Variants in TRDMT1 observed in about 807,000 individuals in gnomAD.
TRDMT1 encodes tRNA (cytosine(38)-C(5))-methyltransferase.
A neutral mutation model predicts 51.2 loss-of-function variants in TRDMT1; 49 were observed. That is an observed-to-expected ratio of 0.96 (90% CI 0.76 to 1.21). The LOEUF is 1.21. TRDMT1 is among the 50% of genes most tolerant of loss of function. The pLI is 0.00. For synonymous variants in TRDMT1, 187 were observed against 164.6 expected, an observed-to-expected ratio of 1.14 and a Z score of -1.04; for missense variants, 534 against 462.3, an observed-to-expected ratio of 1.16 and a Z score of -1.42.
rs1837666320 is a variant in TRDMT1, at chr10:17,141,320, C to T, written c.*7720G>A. ...GGGACTACAGGCATGCACCACCATG[C>T]CCGGCTAATTTTTTTGATTTTAGTA... is the stretch of plus-strand genomic sequence containing the variant. On this transcript the variant is annotated 3_prime_UTR_variant, in exon 11 of 11. Coordinates refer to ENST00000377799, the MANE Select transcript of TRDMT1 (RefSeq NM_004412.7). Among the ~76,000 whole-genome samples, 1 of 152,140 alleles carries T rather than the reference C, an allele frequency of 6.6e-6. No homozygotes were observed.
At chr10:17,163,372 G>A (rs1205672778) in intron 3 of TRDMT1, among the ~76,000 whole-genome samples, 2 of 152,108 alleles carry the variant, frequency 1.3e-5, no homozygotes, top group African/African-American at 2.4e-5. Context: ...TCAAAAGCAT[G>A]TGTATAGAGG....
At chr10:17,195,519 T>C (rs538464990) in intron 1 of TRDMT1, among the ~76,000 whole-genome samples, 1 of 152,098 alleles carries the variant, frequency 6.6e-6, no homozygotes, top group East Asian at 1.9e-4. Flanking sequence ...GCCTGGGTGG[T>C]GGGATCATTG....
chr10:17,185,850 G>T (rs1843823371), intron 1 of TRDMT1, among the ~76,000 whole-genome samples: 1 of 152,034 alleles, frequency 6.6e-6, no homozygotes, highest in South Asian at 2.1e-4. Context: ...GGTGGGAATT[G>T]AACAATGAGA....
rs1837978964 is a variant in TRDMT1 at position 17,145,007 on chromosome 10, G to C, written c.*4033C>G. 1 of 981,284 alleles carries C rather than the reference G, an allele frequency of 1.0e-6. No individual in the cohort carries two copies. The highest frequency in any genetic ancestry group is 6.2e-5 in the Admixed American group (1 of 16,260). 60.8% of individuals were successfully genotyped at this position (981,284 alleles called of 1,614,324 possible). Reference sequence around the variant, plus strand: ...TCATGCCTGTAAAACCCAGCACTTAGGGAAGCCAAGGTGGGTGGATTAACT... The same window carrying C: ...TCATGCCTGTAAAACCCAGCACTTACGGAAGCCAAGGTGGGTGGATTAACT... On this transcript the variant is annotated 3_prime_UTR_variant, in exon 11 of 11. Transcript: ENST00000377799.
chr10:17,192,764 A>G lies in TRDMT1; in HGVS notation c.64+8807T>C, dbSNP rs551503101. ...AAGATGTTGTGTGGAGAGTTTCTAAACGTATTTGAACATCAAGGTACACTG... is the reference window on the plus strand; with the variant it reads ...AAGATGTTGTGTGGAGAGTTTCTAAGCGTATTTGAACATCAAGGTACACTG... On this transcript the variant is annotated intron_variant, in intron 1 of 10. Transcript: ENST00000377799. 4.6e-5 allele frequency among the ~76,000 whole-genome samples: 7 copies of G among 152,296 alleles called. No homozygotes were observed. In the South Asian group the frequency reaches 1.5e-3, roughly 32 times the overall value.
chr10:17,150,032 T>C (rs1838481908), intron 10 of TRDMT1, among the ~76,000 whole-genome samples: 1 of 152,188 alleles, frequency 6.6e-6, no homozygotes, highest in South Asian at 2.1e-4. Flanking sequence ...ACTAACTCTA[T>C]GTTTAATGTT....
intron 1 of TRDMT1, among the ~76,000 whole-genome samples, chr10:17,196,416 T>G (rs748667077): frequency 5.3e-5 from 8 of 152,232 alleles, no homozygotes; most frequent in Non-Finnish European, 8.8e-5. Context: ...TGATACTACA[T>G]TTTAAAATGA....
chr10:17,153,597 C>A lies in TRDMT1; in HGVS notation c.985G>T (p.Glu329Ter). 1 of 1,604,208 alleles carries A rather than the reference C, an allele frequency of 6.2e-7. No homozygotes were observed. The highest frequency in any genetic ancestry group is 8.5e-7 in the Non-Finnish European group (1 of 1,176,262). ...IYKSLTNLSQEEQITKLLILK... is the reference protein window; with the variant it reads ...IYKSLTNLSQ The stretch of plus-strand genomic sequence containing the variant: ...ATTAACAGCTTTGTTATCTGTTCTT[C>A]TTGTGACAAATTGGTAAGGGATTTG... Residue 329 changes from glutamate to a stop codon, truncating the protein, a stop_gained, in exon 10 of 11, where the codon GAA (glutamate) becomes TAA (stop). Transcript: ENST00000377799. LOFTEE classifies it high-confidence loss of function.
intron 10 of TRDMT1, chr10:17,150,937 C>A: frequency 1.0e-6 from 1 of 985,210 alleles, no homozygotes. Flanking sequence ...ATTACAATTA[C>A]CTCAGAAGGA....
rs1017316441 is a variant in TRDMT1, at chr10:17,148,758, T to C, written c.*282A>G. On this transcript the variant is annotated 3_prime_UTR_variant, in exon 11 of 11. Transcript: ENST00000377799. ...AAGCTCTAGTGCTCCTTGATTTGTT[T>C]ATAAAATTGTTTTTAAAAAGAATAT... The C allele has an allele frequency of 5.8e-6, 6 of 1,037,812 alleles. No individual in the cohort carries two copies. In the African/African-American group the frequency reaches 6.8e-5, roughly 12 times the overall value. The allele number at this position is 1,037,812 out of a possible 1,614,324, so 64.3% of individuals were successfully genotyped here.
rs893042786 is a variant in TRDMT1, at chr10:17,143,520, T to C, written c.*5520A>G. On this transcript the variant is annotated 3_prime_UTR_variant, in exon 11 of 11. Coordinates refer to ENST00000377799, the MANE Select transcript of TRDMT1 (RefSeq NM_004412.7). ...TTCACATGTGAAATTTAACTGGACT[T>C]GTGTAAGGAACCAGCTAAGTGAGTA... is the stretch of plus-strand genomic sequence containing the variant. 1 of 985,326 alleles carries C rather than the reference T, an allele frequency of 1.0e-6. No individual in the cohort carries two copies. Among genetic ancestry groups the C allele is most frequent in the Non-Finnish European group, 1.2e-6 (1 of 829,942 alleles). 61.0% of individuals were successfully genotyped at this position (985,326 alleles called of 1,614,324 possible).
chr10:17,189,894 T>C (rs1329554681), intron 1 of TRDMT1, among the ~76,000 whole-genome samples: 2 of 152,150 alleles, frequency 1.3e-5, no homozygotes, highest in East Asian at 3.8e-4. Context: ...GTCTCATTCA[T>C]TGAGTACTAG....
Position 17,146,680 on chromosome 10 carries a change from TCTC to T in TRDMT1, c.*2357_*2359del. On this transcript the variant is annotated 3_prime_UTR_variant, in exon 11 of 11. Transcript: ENST00000377799. ...TGGTGAAGACTGAATTACACATAGT[TCTC>T]CTGAAAATGAGAAGCTATGTTTTCC... is the stretch of plus-strand genomic sequence containing the variant. 1 of 985,342 alleles carries T rather than the reference TCTC, an allele frequency of 1.0e-6. No individual in the cohort carries two copies. Among genetic ancestry groups the T allele is most frequent in the Non-Finnish European group, 1.2e-6 (1 of 829,898 alleles). 61.0% of individuals were successfully genotyped at this position (985,342 alleles called of 1,614,324 possible). A position where few individuals can be genotyped will look rare whatever the true frequency, so the allele number is the denominator to read the frequency against.
intron 1 of TRDMT1, among the ~76,000 whole-genome samples, chr10:17,185,925 G>C (rs1011925872): frequency 6.6e-6 from 1 of 152,004 alleles, no homozygotes; most frequent in Non-Finnish European, 1.5e-5. Context: ...GGAGGAAGGA[G>C]GGATAGCATT....
At chr10:17,166,121 C>T (rs1035838851) in intron 3 of TRDMT1, among the ~76,000 whole-genome samples, 5 of 152,036 alleles carry the variant, frequency 3.3e-5, no homozygotes, top group Admixed American at 2.0e-4. Context: ...GGAACCAACC[C>T]AAGTGTCCAA....
intron 1 of TRDMT1, among the ~76,000 whole-genome samples, chr10:17,187,698 G>A (rs1187451182): frequency 6.6e-6 from 1 of 152,126 alleles, no homozygotes; most frequent in Non-Finnish European, 1.5e-5. Flanking sequence ...AACAAAACAG[G>A]CCAGAGGATA....
At chr10:17,150,525 T>C (rs1343581079) in intron 10 of TRDMT1, 2 of 985,310 alleles carry the variant, frequency 2.0e-6, no homozygotes, top group South Asian at 4.7e-5. Flanking sequence ...CATAAAAGAC[T>C]GTCCACGTAC....
chr10:17,149,767 A>T (rs1838451331), intron 10 of TRDMT1, among the ~76,000 whole-genome samples: 1 of 152,134 alleles, frequency 6.6e-6, no homozygotes. Context: ...TTCTTTCACT[A>T]AACATGTTTT....
At position 17,141,315 on chromosome 10, in the gene TRDMT1, C is replaced by T. The variant is rs1837665539; in HGVS notation, c.*7725G>A. On this transcript the variant is annotated 3_prime_UTR_variant, in exon 11 of 11. Coordinates refer to ENST00000377799, the MANE Select transcript of TRDMT1 (RefSeq NM_004412.7). Reference sequence around the variant, plus strand: ...TAGCTGGGACTACAGGCATGCACCACCATGCCCGGCTAATTTTTTTGATTT... The same window carrying T: ...TAGCTGGGACTACAGGCATGCACCATCATGCCCGGCTAATTTTTTTGATTT... Among the ~76,000 whole-genome samples the T allele has an allele frequency of 6.6e-6, 1 of 152,172 alleles. No individual in the cohort carries two copies. Among genetic ancestry groups the T allele is most frequent in the Non-Finnish European group, 1.5e-5 (1 of 68,026 alleles).
Sources: allele counts gnomAD v4.1 joint callset (sites outside exome capture counted in the v4.1 genomes callset), GRCh38; gene constraint gnomAD v4.1.1; transcripts MANE v1.5; gene names NCBI Gene and HGNC (gene_info 2026-07-23, HGNC 2026-07-21).